Variants in FGFR2 observed in about 807,000 individuals in gnomAD.
The protein encoded by FGFR2 is fibroblast growth factor receptor 2.
A neutral mutation model predicts 95.9 loss-of-function variants in FGFR2; 19 were observed. The observed-to-expected ratio is 0.20, with a 90% confidence interval of 0.14 to 0.29. The LOEUF is 0.29. FGFR2 is among the 10% of genes least tolerant of loss of function. FGFR2 has a pLI of 1.00. For missense variants in FGFR2, 707 were observed against 1,056.9 expected, an observed-to-expected ratio of 0.67 and a Z score of 4.59; for synonymous variants, 392 against 393.3, an observed-to-expected ratio of 1.00 and a Z score of 0.04.
chr10:121,484,787 CAT>C (rs1431680737), intron 16 of FGFR2, among the ~76,000 whole-genome samples: 2 of 152,348 alleles, frequency 1.3e-5, no homozygotes, highest in African/African-American at 2.4e-5. Context: ...CGCCTGGACA[CAT>C]GTTTAATTCT....
chr10:121,574,551 A>G (rs1859396304), intron 2 of FGFR2, among the ~76,000 whole-genome samples: 1 of 151,792 alleles, frequency 6.6e-6, no homozygotes, highest in Admixed American at 6.6e-5. Flanking sequence ...AATAATAATA[A>G]TTAAATTAAA....
In FGFR2 at chr10:121,518,145, G is replaced by T. The variant is rs1374809546; in HGVS notation, c.940-682C>A. ...AAAAGTCAACCTTTTGCCTTTAGTA[G>T]CGTCCAGTAGTACATTCATTAAGAT... On this transcript the variant is annotated intron_variant, in intron 7 of 17. Transcript: ENST00000358487. This position sits in a 1 kb window ranked among gnomAD's most constrained non-coding sequence, Gnocchi z 4.0. 8 of 363,770 alleles carry T rather than the reference G, an allele frequency of 2.2e-5. No individual in the cohort carries two copies. The highest frequency in any genetic ancestry group is 4.2e-5 in the Non-Finnish European group (8 of 190,086). The allele number at this position is 363,770 out of a possible 1,614,324, so 22.5% of individuals were successfully genotyped here.
chr10:121,518,160 T>A lies in FGFR2; in HGVS notation c.940-697A>T, dbSNP rs997988095. The A allele has an allele frequency of 1.9e-5, 6 of 314,298 alleles. No homozygotes were observed. The highest frequency in any genetic ancestry group is 1.2e-5 in the Non-Finnish European group (2 of 162,490). The allele number at this position is 314,298 out of a possible 1,614,324, so 19.5% of individuals were successfully genotyped here. A position where few individuals can be genotyped will look rare whatever the true frequency, so the allele number is the denominator to read the frequency against. ...GCCTTTAGTAGCGTCCAGTAGTACA[T>A]TCATTAAGATGAGCTCCCCTCAAAT... On this transcript the variant is annotated intron_variant, in intron 7 of 17. Transcript: ENST00000358487. This position sits in a 1 kb window ranked among gnomAD's most constrained non-coding sequence, Gnocchi z 4.0.
intron 8 of FGFR2, among the ~76,000 whole-genome samples, chr10:121,516,122 ACTT>A (rs1051573042): frequency 1.3e-5 from 2 of 152,134 alleles, no homozygotes; most frequent in East Asian, 1.9e-4. Flanking sequence ...CCAATGTCTG[ACTT>A]CTTCTTAGTC....
At chr10:121,588,120 T>C (rs1862106424) in intron 2 of FGFR2, among the ~76,000 whole-genome samples, 1 of 152,198 alleles carries the variant, frequency 6.6e-6, no homozygotes, top group African/African-American at 2.4e-5. Flanking sequence ...GAGGCCATTA[T>C]CCTTAGCAAT....
In FGFR2 at chr10:121,526,024, A is replaced by G. The variant is rs1376669549; in HGVS notation, c.749-5855T>C. 2.5e-5 allele frequency: 10 copies of G among 394,866 alleles called. No homozygotes were observed. In the Admixed American group the frequency reaches 4.4e-4, roughly 17 times the overall value. The allele number at this position is 394,866 out of a possible 1,614,324, so 24.5% of individuals were successfully genotyped here. ...CTCTCCGGCAGTCACACACCAAGAG[A>G]CTCGAATCACACGGAGTTCCCAGTA... On this transcript the variant is annotated intron_variant, in intron 6 of 17. Transcript: ENST00000358487.
intron 6 of FGFR2, among the ~76,000 whole-genome samples, chr10:121,530,941 C>A (rs911268721): frequency 6.6e-6 from 1 of 152,184 alleles, no homozygotes; most frequent in Non-Finnish European, 1.5e-5. Context: ...TCACCTGAAT[C>A]TCCAGGTAAC....
intron 1 of FGFR2, among the ~76,000 whole-genome samples, chr10:121,597,576 G>A (rs1863634730): frequency 6.6e-6 from 1 of 152,250 alleles, no homozygotes; most frequent in Admixed American, 6.5e-5. Context: ...GGGGCACCTC[G>A]GAGATGACCC....
At chr10:121,548,040 C>T (rs113071369) in intron 5 of FGFR2, among the ~76,000 whole-genome samples, 1,895 of 152,204 alleles carry the variant, frequency 0.012, 40 homozygotes, top group African/African-American at 0.043. Context: ...CTAAGAGTTT[C>T]TGGCATCTCC....
At chr10:121,547,208 G>A (rs57511885) in intron 5 of FGFR2, among the ~76,000 whole-genome samples, 6,530 of 152,144 alleles carry the variant, frequency 0.043, 475 homozygotes, top group African/African-American at 0.15. Flanking sequence ...TGGGCAACAA[G>A]AGCAAAACTC....
chr10:121,577,174 T>TAGAGAGAGAGAGAGAGAGAGAG (rs1426070759), intron 2 of FGFR2, among the ~76,000 whole-genome samples: 6 of 4,800 alleles, frequency 1.3e-3, no homozygotes, highest in Non-Finnish European at 2.3e-3. Flanking sequence ...TATATATATA[T>TAGAGAGAGAGAGAGAGAGAGAG]ATATAGAGAG....
At chr10:121,505,924 G>A (rs559292164) in intron 9 of FGFR2, among the ~76,000 whole-genome samples, 29 of 152,180 alleles carry the variant, frequency 1.9e-4, no homozygotes, top group Non-Finnish European at 3.2e-4. Context: ...GTGTGCTGTG[G>A]ATGCTTAAGT....
At position 121,517,669 on chromosome 10, in the gene FGFR2, G is replaced by A. The variant is rs554764223; in HGVS notation, c.940-206C>T. 9.2e-5 allele frequency among the ~76,000 whole-genome samples: 14 copies of A among 151,834 alleles called. No homozygotes were observed. The highest frequency in any genetic ancestry group is 4.2e-4 in the South Asian group (2 of 4,780). ...ACCTCCACAGGCCCGTCACCACACCGGCTTCACCTCCTACACATGCACGCA... is the reference window on the plus strand; with the variant it reads ...ACCTCCACAGGCCCGTCACCACACCAGCTTCACCTCCTACACATGCACGCA... On this transcript the variant is annotated intron_variant, in intron 7 of 17. Transcript: ENST00000358487. This position sits in a 1 kb window ranked among gnomAD's most constrained non-coding sequence, Gnocchi z 4.7.
At chr10:121,502,893 G>A (rs914188839) in intron 10 of FGFR2, among the ~76,000 whole-genome samples, 1 of 152,088 alleles carries the variant, frequency 6.6e-6, no homozygotes, top group Admixed American at 6.5e-5. Flanking sequence ...TAGAGGACGA[G>A]GGCTAGGAGC....
rs1029635273 is a variant in FGFR2 at position 121,564,566 on chromosome 10, G to A, written c.390C>T (p.Ser130=). The A allele has an allele frequency of 6.8e-6, 11 of 1,613,406 alleles. No homozygotes were observed. Among genetic ancestry groups the A allele is most frequent in the East Asian group, 2.2e-5 (1 of 44,888 alleles). ...CATCGGTGTCATCCTCATCATCTCC[G>A]GATGAGATGGCATCTGTATGCAAAA... ...FMVNVTDAIS[S]GDDEDDTDGA... The change falls in exon 4 of 18, where the codon TCC becomes TCT. Residue 130 remains serine (S), a synonymous_variant. Coordinates refer to ENST00000358487, the MANE Select transcript of FGFR2 (RefSeq NM_000141.5).
intron 4 of FGFR2, among the ~76,000 whole-genome samples, chr10:121,555,190 T>C (rs1355792547): frequency 2.0e-5 from 3 of 152,080 alleles, no homozygotes; most frequent in South Asian, 2.1e-4. Context: ...CTGACCAACA[T>C]GGTGAAACCC....
At chr10:121,566,095 C>T (rs1413457742) in intron 2 of FGFR2, among the ~76,000 whole-genome samples, 3 of 152,206 alleles carry the variant, frequency 2.0e-5, no homozygotes, top group Admixed American at 6.5e-5. Flanking sequence ...CACATTTGTA[C>T]GTGAAACGTG....
At chr10:121,578,645 T>G (rs746238273) in intron 2 of FGFR2, among the ~76,000 whole-genome samples, 6 of 152,216 alleles carry the variant, frequency 3.9e-5, no homozygotes, top group Non-Finnish European at 8.8e-5. Flanking sequence ...CGCTGTGGCT[T>G]ACGCCTGTAA....
intron 12 of FGFR2, 26 bp downstream of exon 12, chr10:121,498,469 C>A (rs767094576): frequency 1.5e-5 from 21 of 1,400,446 alleles, no homozygotes; most frequent in Non-Finnish European, 2.1e-5. Context: ...AGTATTTGGG[C>A]GAATGCAGTT....
Sources: allele counts gnomAD v4.1 joint callset (sites outside exome capture counted in the v4.1 genomes callset), GRCh38; gene constraint gnomAD v4.1.1; non-coding constraint Gnocchi (gnomAD v3.1); transcripts MANE v1.5; gene names NCBI Gene and HGNC (gene_info 2026-07-23, HGNC 2026-07-21).